TENM3: variants seen among roughly 807,000 people sequenced by gnomAD.
TENM3 encodes the protein teneurin transmembrane protein 3.
TENM3 carries 63 observed loss-of-function variants against 255.1 expected under a neutral mutation model. That is an observed-to-expected ratio of 0.25 (90% CI 0.20 to 0.30). The LOEUF is 0.30. Ranked by LOEUF, TENM3 falls within the 10% of genes least tolerant of loss-of-function variation. TENM3 has a pLI of 1.00. For synonymous variants in TENM3, 1,306 were observed against 1,322.3 expected, an observed-to-expected ratio of 0.99 and a Z score of 0.27; for missense variants, 2,929 against 3,461.1, an observed-to-expected ratio of 0.85 and a Z score of 3.86.
chr4:181,738,033 G>A, the TENM3 span, among the ~76,000 whole-genome samples: 17 of 151,500 alleles, frequency 1.1e-4, no homozygotes, highest in Admixed American at 3.9e-4. Flanking sequence ...GCTGAGAAAG[G>A]ATTATAAAAT....
At chr4:181,932,730 C>A in the TENM3 span, among the ~76,000 whole-genome samples, 1 of 152,154 alleles carries the variant, frequency 6.6e-6, no homozygotes, top group African/African-American at 2.4e-5. Flanking sequence ...TTTATTGCAG[C>A]ACTGTTCACA....
intron 1 of TENM3, among the ~76,000 whole-genome samples, chr4:182,284,233 C>T (rs1466364677): frequency 6.6e-6 from 1 of 152,158 alleles, no homozygotes; most frequent in South Asian, 2.1e-4. Flanking sequence ...TGCATGAAAT[C>T]GGAGCATTGC....
At chr4:182,483,366 G>A (rs939648362) in intron 3 of TENM3, among the ~76,000 whole-genome samples, 1 of 152,132 alleles carries the variant, frequency 6.6e-6, no homozygotes, top group Non-Finnish European at 1.5e-5. Context: ...ATGCCATATT[G>A]AAGGACAGTT....
At chr4:182,219,370 A>C (rs1579777176) in intron 1 of TENM3, among the ~76,000 whole-genome samples, 1 of 152,252 alleles carries the variant, frequency 6.6e-6, no homozygotes, top group African/African-American at 2.4e-5. Context: ...GAATTAAAAC[A>C]TGAAAGCTTC....
chr4:182,797,419 A>G (rs973428546), intron 27 of TENM3, among the ~76,000 whole-genome samples: 1 of 149,722 alleles, frequency 6.7e-6, no homozygotes, highest in African/African-American at 2.5e-5. Flanking sequence ...AGCCTGAGCA[A>G]CAAGAGCGAA....
intron 4 of TENM3, among the ~76,000 whole-genome samples, chr4:182,623,541 C>T (rs931352496): frequency 6.6e-6 from 1 of 151,034 alleles, no homozygotes. Flanking sequence ...GTGTGTTGGC[C>T]GGGCTGGTCT....
chr4:181,655,433 C>A, the TENM3 span, among the ~76,000 whole-genome samples: 1 of 151,950 alleles, frequency 6.6e-6, no homozygotes, highest in African/African-American at 2.4e-5. Context: ...CAAAGCTGTA[C>A]TGAGGATCTA....
At chr4:182,469,318 C>T (rs769494544) in intron 3 of TENM3, among the ~76,000 whole-genome samples, 2 of 151,966 alleles carry the variant, frequency 1.3e-5, no homozygotes, top group Admixed American at 6.6e-5. Flanking sequence ...ATTTTTAGTT[C>T]ACGTAATTCA....
chr4:182,075,200 C>CTTTTTTTTTTTTTTTTT, the TENM3 span, among the ~76,000 whole-genome samples: 1 of 128,198 alleles, frequency 7.8e-6, no homozygotes, highest in Non-Finnish European at 1.6e-5. Flanking sequence ...TGTTTTTTTT[C>CTTTTTTTTTTTTTTTTT]TTTTTTTTTT....
At chr4:181,555,860 T>C in the TENM3 span, among the ~76,000 whole-genome samples, 2 of 152,192 alleles carry the variant, frequency 1.3e-5, no homozygotes, top group Admixed American at 6.5e-5. Context: ...CAGAACTCAG[T>C]TGGGTGACCA....
At chr4:182,103,900 T>C in the TENM3 span, among the ~76,000 whole-genome samples, 8 of 152,314 alleles carry the variant, frequency 5.3e-5, no homozygotes, top group Non-Finnish European at 1.0e-4. Flanking sequence ...TTGTCCTTTA[T>C]TTTATCGGGT....
the TENM3 span, among the ~76,000 whole-genome samples, chr4:181,845,078 T>C: frequency 2.0e-5 from 3 of 152,378 alleles, no homozygotes; most frequent in East Asian, 1.9e-4. Flanking sequence ...TCAATAAGTC[T>C]ACTTTGTTTC....
At chr4:182,101,319 GA>G in the TENM3 span, among the ~76,000 whole-genome samples, 3 of 135,280 alleles carry the variant, frequency 2.2e-5, no homozygotes, top group African/African-American at 8.2e-5. Context: ...AAGAAGGAAA[GA>G]ATGGAGGGAG....
the TENM3 span, among the ~76,000 whole-genome samples, chr4:181,840,059 C>CTT: frequency 3.3e-5 from 5 of 152,026 alleles, no homozygotes; most frequent in African/African-American, 1.2e-4. Context: ...TTCAAAGTCT[C>CTT]TAAACTTCTC....
chr4:181,689,673 CT>C, the TENM3 span, among the ~76,000 whole-genome samples: 1 of 152,040 alleles, frequency 6.6e-6, no homozygotes, highest in East Asian at 1.9e-4. Context: ...GGACATTTTT[CT>C]TTCAGCCTTT....
At chr4:182,245,343 A>G (rs1757569866) in intron 1 of TENM3, among the ~76,000 whole-genome samples, 1 of 152,220 alleles carries the variant, frequency 6.6e-6, no homozygotes, top group South Asian at 2.1e-4. Context: ...TGAAAGAGCA[A>G]GTAGAAAGGA....
chr4:181,787,429 C>T, the TENM3 span, among the ~76,000 whole-genome samples: 1 of 151,920 alleles, frequency 6.6e-6, no homozygotes, highest in South Asian at 2.1e-4. Context: ...ACCTCCACCT[C>T]CTTGGTTCAA....
At chr4:182,553,544 A>T (rs1056321358) in intron 3 of TENM3, among the ~76,000 whole-genome samples, 49 of 130,438 alleles carry the variant, frequency 3.8e-4, no homozygotes, top group African/African-American at 1.3e-3. Flanking sequence ...ATAAAATTTA[A>T]AAAAAAAAAG....
At chr4:182,787,440 A>G (rs942107354) in intron 24 of TENM3, among the ~76,000 whole-genome samples, 10 of 152,050 alleles carry the variant, frequency 6.6e-5, no homozygotes, top group African/African-American at 2.4e-4. Flanking sequence ...AAAAGTTAAG[A>G]TGTAATTTCT....
Sources: gnomAD v4.1 joint callset for allele counts (sites outside exome capture counted in the v4.1 genomes callset) on GRCh38, gnomAD v4.1.1 for gene constraint, MANE v1.5 for transcripts, NCBI Gene and HGNC (gene_info 2026-07-23, HGNC 2026-07-21) for gene names.